Variants in SEC23B observed in about 807,000 individuals in gnomAD.
SEC23B encodes the protein SEC23 homolog B, COPII component.
In SEC23B, 77 loss-of-function variants were observed where a neutral mutation model predicts 104.3. That is an observed-to-expected ratio of 0.74 (90% CI 0.61 to 0.89). The LOEUF is 0.89. Among genes scored for constraint, SEC23B ranks in the 40% least tolerant of loss-of-function variants. SEC23B has a pLI of 0.00. For synonymous variants in SEC23B, 338 were observed against 332.5 expected, an observed-to-expected ratio of 1.02 and a Z score of -0.18; for missense variants, 885 against 949.4, an observed-to-expected ratio of 0.93 and a Z score of 0.89.
In SEC23B at chr20:18,512,217, T is replaced by C; in HGVS notation, c.222-8T>C. The C allele has an allele frequency of 6.4e-7, 1 of 1,564,656 alleles. No individual in the cohort carries two copies. Among genetic ancestry groups the C allele is most frequent in the Non-Finnish European group, 8.8e-7 (1 of 1,140,658 alleles). ...GGTACCTACTTATAATATTTATCTT[T>C]CTCACAGTCAGGTTGATTATCGAGC... On this transcript the variant is annotated splice_polypyrimidine_tract_variant and splice_region_variant and intron_variant, in intron 2 of 19. Transcript: ENST00000650089.
At chr20:18,537,549 A>G (rs1362581830) in intron 12 of SEC23B, among the ~76,000 whole-genome samples, 1 of 152,064 alleles carries the variant, frequency 6.6e-6, no homozygotes, top group African/African-American at 2.4e-5. Flanking sequence ...GAACACATGG[A>G]CACAGGAAGG....
At chr20:18,514,402 G>C (rs1003366805) in intron 3 of SEC23B, among the ~76,000 whole-genome samples, 5 of 152,142 alleles carry the variant, frequency 3.3e-5, no homozygotes, top group Non-Finnish European at 5.9e-5. Context: ...GATGGGGCTA[G>C]AGTCTTCTGC....
intron 4 of SEC23B, among the ~76,000 whole-genome samples, chr20:18,523,966 T>C (rs2060109960): frequency 6.6e-6 from 1 of 152,214 alleles, no homozygotes; most frequent in East Asian, 1.9e-4. Context: ...TCCTCCCATC[T>C]TAGCCTCCCA....
At chr20:18,558,053 C>CT (rs2060457701) in intron 19 of SEC23B, among the ~76,000 whole-genome samples, 1 of 152,096 alleles carries the variant, frequency 6.6e-6, no homozygotes, top group East Asian at 1.9e-4. Flanking sequence ...GCCTGGCCTA[C>CT]TTTTAACCAT....
At position 18,551,075 on chromosome 20, in the gene SEC23B, CTCTT is replaced by C. The variant is rs764501861; in HGVS notation, c.1906-12_1906-9del. 6.3e-7 allele frequency: 1 copy of C among 1,575,088 alleles called. No individual in the cohort carries two copies. The highest frequency in any genetic ancestry group is 1.7e-5 in the Admixed American group (1 of 59,978). On this transcript the variant is annotated splice_polypyrimidine_tract_variant and intron_variant, in intron 16 of 19. Coordinates refer to ENST00000650089, the MANE Select transcript of SEC23B (RefSeq NM_006363.6). ...GGGAAGACCAATGCCATCTTTCTCT[CTCTT>C]TTTCTTCAGCCAGTACTCTTGGATA...
At chr20:18,542,919 ATGAGCCACTGC>A in intron 13 of SEC23B, 89 bp from the exon 14 acceptor site, 2 of 1,462,842 alleles carry the variant, frequency 1.4e-6, no homozygotes, top group Non-Finnish European at 1.9e-6. Flanking sequence ...GATTTCAGGA[ATGAGCCACTGC>A]ACCTAGCCTG....
chr20:18,521,498 G>A (rs745773650), intron 4 of SEC23B, among the ~76,000 whole-genome samples: 1 of 152,156 alleles, frequency 6.6e-6, no homozygotes, highest in Non-Finnish European at 1.5e-5. Flanking sequence ...AAGAAAAAAG[G>A]AGCATTAAAC....
At chr20:18,525,757 C>A in intron 6 of SEC23B, 31 bp from the exon 7 acceptor site, 2 of 1,613,576 alleles carry the variant, frequency 1.2e-6, no homozygotes, top group Non-Finnish European at 1.7e-6. Context: ...TTTATTCAAT[C>A]TGGGTTGATG....
At position 18,548,820 on chromosome 20, in the gene SEC23B, T is replaced by C. The variant is rs371521499; in HGVS notation, c.1905+50T>C. 80 of 1,583,020 alleles carry C rather than the reference T, an allele frequency of 5.1e-5. No homozygotes were observed. In the African/African-American group the frequency reaches 9.1e-4, roughly 18 times the overall value. On this transcript the variant is annotated intron_variant, in intron 16 of 19. Coordinates refer to ENST00000650089, the MANE Select transcript of SEC23B (RefSeq NM_006363.6). ...CTGAGGATTGGAATCACCTAACATA[T>C]ATTCTTTTTTAAGCAAATTTACTTA... is the stretch of plus-strand genomic sequence containing the variant.
rs1314473395 is a variant in SEC23B, at chr20:18,515,747, T to C, written c.366+11T>C. On this transcript the variant is annotated intron_variant, in intron 4 of 19. Coordinates refer to ENST00000650089, the MANE Select transcript of SEC23B (RefSeq NM_006363.6). ...GAGTACGTGATACAGGTAATTTCTT[T>C]GTTGTGCATTTAATGAGCAATGTTA... 3 of 1,500,218 alleles carry C rather than the reference T, an allele frequency of 2.0e-6. No individual in the cohort carries two copies. Among genetic ancestry groups the C allele is most frequent in the South Asian group, 2.3e-5 (2 of 88,758 alleles). The allele number at this position is 1,500,218 out of a possible 1,614,324, so 92.9% of individuals were successfully genotyped here.
At chr20:18,523,490 C>T (rs2060105198) in intron 4 of SEC23B, among the ~76,000 whole-genome samples, 1 of 149,618 alleles carries the variant, frequency 6.7e-6, no homozygotes, top group Non-Finnish European at 1.5e-5. Context: ...GCAACCTCTG[C>T]CTCCTGGGTT....
chr20:18,530,734 C>G lies in SEC23B; in HGVS notation c.1164C>G (p.Phe388Leu). The G allele has an allele frequency of 2.5e-6, 4 of 1,613,278 alleles. No homozygotes were observed. Among genetic ancestry groups the G allele is most frequent in the Non-Finnish European group, 3.4e-6 (4 of 1,179,312 alleles). ...SFNTSLFKQT[F>L]QRIFTKDFNG... ...ACACTTCTCTCTTCAAGCAGACATT[C>G]CAAAGAATCTTTACTAAAGATTTTA... The change falls in exon 10 of 20, where the codon TTC becomes TTG. Residue 388 changes from phenylalanine to leucine, a missense_variant. Physicochemically the swap from Phe to Leu is conservative, Grantham distance 22 (BLOSUM62 0). Coordinates refer to ENST00000650089, the MANE Select transcript of SEC23B (RefSeq NM_006363.6).
At chr20:18,549,001 A>G (rs2122151558) in intron 16 of SEC23B, among the ~76,000 whole-genome samples, 1 of 152,310 alleles carries the variant, frequency 6.6e-6, no homozygotes, top group Non-Finnish European at 1.5e-5. Context: ...AATAACTTGG[A>G]TGCTTTCTTT....
At chr20:18,523,201 A>G (rs1305843424) in intron 4 of SEC23B, among the ~76,000 whole-genome samples, 3 of 152,102 alleles carry the variant, frequency 2.0e-5, no homozygotes, top group East Asian at 3.9e-4. Flanking sequence ...AGTATCTGCT[A>G]GTGTCCTCGT....
At chr20:18,518,835 A>G (rs974014392) in intron 4 of SEC23B, among the ~76,000 whole-genome samples, 22 of 152,212 alleles carry the variant, frequency 1.4e-4, no homozygotes, top group African/African-American at 5.1e-4. Flanking sequence ...CTTTGGAAGT[A>G]AAGCAGCCTT....
intron 17 of SEC23B, among the ~76,000 whole-genome samples, chr20:18,552,826 C>G (rs1354238581): frequency 6.6e-6 from 1 of 151,714 alleles, no homozygotes; most frequent in Non-Finnish European, 1.5e-5. Flanking sequence ...AAAACAAAAC[C>G]AAAAAAACAG....
At chr20:18,556,288 G>A (rs929006710) in intron 19 of SEC23B, among the ~76,000 whole-genome samples, 5 of 152,078 alleles carry the variant, frequency 3.3e-5, no homozygotes, top group Non-Finnish European at 5.9e-5. Context: ...GTATGGGAGG[G>A]TATGCATAGG....
intron 4 of SEC23B, among the ~76,000 whole-genome samples, chr20:18,519,549 C>T (rs953373604): frequency 3.3e-5 from 5 of 152,132 alleles, no homozygotes; most frequent in Non-Finnish European, 5.9e-5. Context: ...TGCGCGGTCC[C>T]GTTCCTTGTG....
chr20:18,528,255 A>AT (rs879837569), intron 9 of SEC23B, among the ~76,000 whole-genome samples: 1 of 152,216 alleles, frequency 6.6e-6, no homozygotes, highest in Non-Finnish European at 1.5e-5. Context: ...GGAACCACTG[A>AT]TGAGCACTGG....
Sources: gnomAD v4.1 joint callset for allele counts (sites outside exome capture counted in the v4.1 genomes callset) on GRCh38, gnomAD v4.1.1 for gene constraint, MANE v1.5 for transcripts, NCBI Gene and HGNC (gene_info 2026-07-23, HGNC 2026-07-21) for gene names.